BBS9: variants seen among roughly 807,000 people sequenced by gnomAD.
The protein encoded by BBS9 is Bardet-Biedl syndrome 9.
In BBS9, 89 loss-of-function variants were observed where a neutral mutation model predicts 117.7. The observed-to-expected ratio is 0.76, with a 90% CI of 0.64 to 0.90. The LOEUF is 0.90. BBS9 is among the 40% of genes least tolerant of loss of function. The pLI is 0.00. For synonymous variants in BBS9, 379 were observed against 370.9 expected, an observed-to-expected ratio of 1.02 and a Z score of -0.25; for missense variants, 982 against 1,042.2, an observed-to-expected ratio of 0.94 and a Z score of 0.80.
chr7:33,617,643 A>C (rs1195047585), intron 21 of BBS9, among the ~76,000 whole-genome samples: 1 of 152,192 alleles, frequency 6.6e-6, no homozygotes, highest in Non-Finnish European at 1.5e-5. Flanking sequence ...GTAGACAACT[A>C]AACAAAATTG....
intron 5 of BBS9, among the ~76,000 whole-genome samples, chr7:33,250,707 G>A (rs967066697): frequency 2.0e-5 from 3 of 152,150 alleles, no homozygotes; most frequent in African/African-American, 4.8e-5. Flanking sequence ...CACATACTTT[G>A]TATGCAGAGT....
chr7:33,328,601 G>C (rs558134897), intron 9 of BBS9, among the ~76,000 whole-genome samples: 1 of 152,224 alleles, frequency 6.6e-6, no homozygotes, highest in East Asian at 1.9e-4. Context: ...ATACTATTTA[G>C]GGTTTTAAGA....
chr7:33,471,381 TA>T (rs576362277), intron 19 of BBS9, among the ~76,000 whole-genome samples: 2 of 152,206 alleles, frequency 1.3e-5, no homozygotes, highest in Admixed American at 6.5e-5. Flanking sequence ...TGTCTTAGCA[TA>T]AAAAATGGCA....
chr7:33,483,538 G>T (rs1171322568), intron 19 of BBS9, among the ~76,000 whole-genome samples: 3 of 151,834 alleles, frequency 2.0e-5, no homozygotes, highest in Non-Finnish European at 4.4e-5. Context: ...TCCCATCAAG[G>T]TCATATCTAG....
chr7:33,537,595 G>C (rs897586410), intron 21 of BBS9, among the ~76,000 whole-genome samples: 19 of 152,182 alleles, frequency 1.2e-4, no homozygotes, highest in African/African-American at 3.4e-4. Context: ...TCTACTCTTA[G>C]AGCAGAAGTC....
intron 5 of BBS9, among the ~76,000 whole-genome samples, chr7:33,180,429 C>T (rs6944561): frequency 0.22 from 32,325 of 147,698 alleles, 3,805 homozygotes; most frequent in East Asian, 0.44. Context: ...GGTGTGATCT[C>T]GGCTCACTGC....
chr7:33,600,441 C>T (rs749343316), intron 21 of BBS9, among the ~76,000 whole-genome samples: 5 of 151,776 alleles, frequency 3.3e-5, no homozygotes, highest in African/African-American at 9.7e-5. Flanking sequence ...TATAGAGAGC[C>T]GGGTTACAGT....
rs1162248093 is a variant in BBS9, at chr7:33,605,305, T to C, written c.*79T>C. On this transcript the variant is annotated 3_prime_UTR_variant, in exon 23 of 23. Transcript: ENST00000242067. ...GTGTGAACCTCATGCCAAGCACAGA[T>C]ATAGGGCTGGCGCAGGTGCTTCCTA... 1 of 1,459,582 alleles carries C rather than the reference T, an allele frequency of 6.9e-7. No individual in the cohort carries two copies. Among genetic ancestry groups the C allele is most frequent in the Non-Finnish European group, 9.6e-7 (1 of 1,039,658 alleles). The allele number at this position is 1,459,582 out of a possible 1,614,324, so 90.4% of individuals were successfully genotyped here.
At position 33,324,174 on chromosome 7, in the gene BBS9, G is replaced by C. The variant is rs141528144; in HGVS notation, c.1017-12267G>C. Among the ~76,000 whole-genome samples the C allele has an allele frequency of 1.6e-4, 25 of 152,126 alleles. No homozygotes were observed. The East Asian group carries it at 4.8e-3, about 29-fold the overall frequency. ...TTTTAGTGAAAGTTATCTTTCTCTG[G>C]TGGTACATTTTAATTTCTTACTCTT... On this transcript the variant is annotated intron_variant, in intron 9 of 22. Coordinates refer to ENST00000242067, the MANE Select transcript of BBS9 (RefSeq NM_198428.3).
intron 21 of BBS9, among the ~76,000 whole-genome samples, chr7:33,577,629 A>G (rs953588251): frequency 6.6e-5 from 10 of 152,346 alleles, no homozygotes; most frequent in Non-Finnish European, 1.0e-4. Flanking sequence ...ACTATTCACA[A>G]TAGCAAAGAC....
At chr7:33,493,513 C>T (rs924925128) in intron 19 of BBS9, among the ~76,000 whole-genome samples, 1 of 152,250 alleles carries the variant, frequency 6.6e-6, no homozygotes, top group African/African-American at 2.4e-5. Flanking sequence ...AATGAAAGTA[C>T]GTCTCATACC....
At chr7:33,376,137 A>C (rs1246605373) in intron 17 of BBS9, among the ~76,000 whole-genome samples, 1 of 152,052 alleles carries the variant, frequency 6.6e-6, no homozygotes, top group African/African-American at 2.4e-5. Flanking sequence ...CCAGGTACTA[A>C]GTGTAGTACC....
At position 33,566,937 on chromosome 7, in the gene BBS9, A is replaced by G. The variant is rs572308649; in HGVS notation, c.2521+32761A>G. Reference sequence around the variant, plus strand: ...AAGAACGTAAGAAGAATAACTGTATATGAGGAACTAAGTTTCCCCAGGTTG... The same window carrying G: ...AAGAACGTAAGAAGAATAACTGTATGTGAGGAACTAAGTTTCCCCAGGTTG... On this transcript the variant is annotated intron_variant, in intron 21 of 22. Coordinates refer to ENST00000242067, the MANE Select transcript of BBS9 (RefSeq NM_198428.3). Among the ~76,000 whole-genome samples the G allele has an allele frequency of 1.5e-4, 23 of 152,308 alleles. No individual in the cohort carries two copies. The South Asian group carries it at 4.6e-3, about 30-fold the overall frequency.
Position 33,150,546 on chromosome 7 carries a change from G to A in BBS9, c.113-2155G>A, listed in dbSNP as rs376152360. On this transcript the variant is annotated intron_variant, in intron 2 of 22. Transcript: ENST00000242067. Reference sequence around the variant, plus strand: ...TTCTGTGAAAGGGCATATACGCAAAGTGGCCCTCAAATACTGAAGGAGCTG... The same window carrying A: ...TTCTGTGAAAGGGCATATACGCAAAATGGCCCTCAAATACTGAAGGAGCTG... Among the ~76,000 whole-genome samples, 19 of 152,188 alleles carry A rather than the reference G, an allele frequency of 1.2e-4. No individual in the cohort carries two copies. The South Asian group carries it at 3.5e-3, about 28-fold the overall frequency.
intron 21 of BBS9, among the ~76,000 whole-genome samples, chr7:33,563,100 T>G (rs2129119370): frequency 6.6e-6 from 1 of 152,304 alleles, no homozygotes; most frequent in South Asian, 2.1e-4. Context: ...CAGATTGCAA[T>G]GGGTCTAGGA....
chr7:33,238,754 A>G (rs1219655872), intron 5 of BBS9, among the ~76,000 whole-genome samples: 1 of 152,124 alleles, frequency 6.6e-6, no homozygotes, highest in Non-Finnish European at 1.5e-5. Flanking sequence ...ATTTATATGC[A>G]GTAAAAGTGG....
intron 19 of BBS9, chr7:33,390,375 G>T: frequency 1.0e-6 from 1 of 985,248 alleles, no homozygotes; most frequent in Non-Finnish European, 1.2e-6. Context: ...TTAGCCTCAA[G>T]GTTGAGGTTT....
intron 19 of BBS9, among the ~76,000 whole-genome samples, chr7:33,436,344 T>A (rs1243248103): frequency 3.9e-5 from 6 of 152,200 alleles, no homozygotes. Flanking sequence ...AAGATGCTCA[T>A]CGGTTAAAAT....
At chr7:33,240,108 C>A (rs569495412) in intron 5 of BBS9, among the ~76,000 whole-genome samples, 2 of 152,232 alleles carry the variant, frequency 1.3e-5, no homozygotes, top group African/African-American at 4.8e-5. Flanking sequence ...TTCTCATATG[C>A]TAAATTCCCA....
Sources: allele counts gnomAD v4.1 joint callset (sites outside exome capture counted in the v4.1 genomes callset), GRCh38; gene constraint gnomAD v4.1.1; transcripts MANE v1.5; gene names NCBI Gene and HGNC (gene_info 2026-07-23, HGNC 2026-07-21).